The following TMEM131 variants were observed in gnomAD, a reference collection of about 807,000 sequenced individuals.
TMEM131 encodes 2610524E03Rik.
Under a neutral mutation model 211.6 loss-of-function variants are expected in TMEM131, and 66 were observed. That is an observed-to-expected ratio of 0.31 (90% CI 0.26 to 0.38). The LOEUF (loss-of-function observed/expected upper bound fraction) is 0.38, where lower values mean the gene tolerates loss of function less well. Ranked by LOEUF, TMEM131 falls within the 10% of genes least tolerant of loss-of-function variation. The pLI is 1.00. For missense variants in TMEM131, 2,036 were observed against 2,299.3 expected (o/e 0.89, Z 2.34); for synonymous variants, 844 against 841.3 (o/e 1.00, Z -0.06).
At chr2:97,992,445 G>A (rs544397213) in intron 1 of TMEM131, among the ~76,000 whole-genome samples, 114 of 152,196 alleles carry the variant, frequency 7.5e-4, no homozygotes, top group Middle Eastern at 6.8e-3. Flanking sequence ...GCTGTCAAAC[G>A]TTACCCTGCC....
intron 1 of TMEM131, among the ~76,000 whole-genome samples, chr2:97,948,082 T>C (rs1445583149): frequency 6.6e-6 from 1 of 152,124 alleles, no homozygotes; most frequent in East Asian, 1.9e-4. Flanking sequence ...CTAAAGTTCC[T>C]AGAAATCAAC....
chr2:97,930,375 T>C (rs1187526306), intron 1 of TMEM131, among the ~76,000 whole-genome samples: 2 of 151,810 alleles, frequency 1.3e-5, no homozygotes, highest in Non-Finnish European at 2.9e-5. Flanking sequence ...TTGGGTATAC[T>C]GCTTTTTAAA....
intron 2 of TMEM131, among the ~76,000 whole-genome samples, chr2:97,913,650 C>T (rs1226427283): frequency 6.6e-6 from 1 of 152,132 alleles, no homozygotes; most frequent in Non-Finnish European, 1.5e-5. Context: ...TTTTATACTG[C>T]ATTATTGTTA....
At chr2:97,838,214 T>C (rs1269749566) in intron 7 of TMEM131, among the ~76,000 whole-genome samples, 1 of 152,100 alleles carries the variant, frequency 6.6e-6, no homozygotes, top group Non-Finnish European at 1.5e-5. Flanking sequence ...TTTGGGTAAA[T>C]ATATATACAC....
In TMEM131 at chr2:97,983,084, A is replaced by G. The variant is rs552691144; in HGVS notation, c.187+12392T>C. 2.6e-5 allele frequency among the ~76,000 whole-genome samples: 4 copies of G among 152,312 alleles called. No individual in the cohort carries two copies. The East Asian group carries it at 7.7e-4, about 29-fold the overall frequency. On this transcript the variant is annotated intron_variant, in intron 1 of 40. Coordinates refer to ENST00000186436, the MANE Select transcript of TMEM131 (RefSeq NM_015348.2). ...AAATACAAAAGGGCTGTAGAAGCTC[A>G]GGGGTTGCCTTTGCTCACTAGAAGC...
intron 35 of TMEM131, among the ~76,000 whole-genome samples, chr2:97,765,747 A>T (rs1679131121): frequency 6.6e-6 from 1 of 152,242 alleles, no homozygotes; most frequent in African/African-American, 2.4e-5. Flanking sequence ...TGAGGAACTC[A>T]TCAGGTAAAG....
intron 18 of TMEM131, 93 bp downstream of exon 18, chr2:97,811,035 T>C (rs1681525552): frequency 1.1e-6 from 1 of 904,220 alleles, no homozygotes; most frequent in African/African-American, 1.7e-5. Flanking sequence ...ACTGTAACTC[T>C]GAGTAAACTT....
At position 97,783,043 on chromosome 2, in the gene TMEM131, T is replaced by C. The variant is rs185671316; in HGVS notation, c.4145-7025A>G. ...ACATCAAGATGCATTATAATCAAAC[T>C]TGTGAAAACTAAAGACAAAAAAACC... On this transcript the variant is annotated intron_variant, in intron 31 of 40. Transcript: ENST00000186436. Among the ~76,000 whole-genome samples the C allele has an allele frequency of 2.9e-3, 438 of 149,442 alleles. 1 individual carries two copies. The highest frequency in any genetic ancestry group is 0.01 in the African/African-American group (416 of 41,042).
chr2:97,836,518 AC>A (rs2105075580), intron 8 of TMEM131, among the ~76,000 whole-genome samples: 1 of 152,342 alleles, frequency 6.6e-6, no homozygotes, highest in South Asian at 2.1e-4. Flanking sequence ...AGGTTCTCTT[AC>A]ATATTCTTTA....
intron 2 of TMEM131, among the ~76,000 whole-genome samples, chr2:97,926,182 T>C (rs1045440905): frequency 3.3e-5 from 5 of 151,224 alleles, no homozygotes; most frequent in African/African-American, 1.2e-4. Flanking sequence ...TAAGAAGGAA[T>C]GTTCTTGGGC....
chr2:97,883,243 A>G (rs866046046), intron 4 of TMEM131, among the ~76,000 whole-genome samples: 2 of 152,258 alleles, frequency 1.3e-5, no homozygotes, highest in Non-Finnish European at 2.9e-5. Flanking sequence ...CATTCAGACT[A>G]TAGCGAAGTT....
In TMEM131 at chr2:97,950,010, C is replaced by CT. The variant is rs571377151; in HGVS notation, c.188-22524dup. On this transcript the variant is annotated intron_variant, in intron 1 of 40. Transcript: ENST00000186436. ...TTCTTGTACCTGCAAACCCAAAGGCCTATCATTACTAAATCCTCCTTCTGA... is the reference window on the plus strand; with the variant it reads ...TTCTTGTACCTGCAAACCCAAAGGCCTTATCATTACTAAATCCTCCTTCTGA... Among the ~76,000 whole-genome samples, 568 of 152,154 alleles carry CT rather than the reference C, an allele frequency of 3.7e-3. 3 individuals are homozygous for CT. Among genetic ancestry groups the CT allele is most frequent in the African/African-American group, 0.013 (542 of 41,472 alleles).
Position 97,802,409 on chromosome 2 carries a change from G to A in TMEM131, c.2651+19C>T. On this transcript the variant is annotated intron_variant, in intron 24 of 40. Transcript: ENST00000186436. ...CAATACTACATAGAAACACTGTGAT[G>A]ATCCCAAGCAATACTTACCTTGATA... 6.5e-7 allele frequency: 1 copy of A among 1,528,908 alleles called. No individual in the cohort carries two copies. Among genetic ancestry groups the A allele is most frequent in the Non-Finnish European group, 8.9e-7 (1 of 1,119,212 alleles). The allele number at this position is 1,528,908 out of a possible 1,614,324, so 94.7% of individuals were successfully genotyped here. A position where few individuals can be genotyped will look rare whatever the true frequency, so the allele number is the denominator to read the frequency against.
chr2:97,899,161 C>T (rs895682800), intron 3 of TMEM131, among the ~76,000 whole-genome samples: 1 of 152,064 alleles, frequency 6.6e-6, no homozygotes, highest in East Asian at 1.9e-4. Context: ...CCTTCTTTAT[C>T]TCTGATAATA....
intron 31 of TMEM131, among the ~76,000 whole-genome samples, chr2:97,789,403 C>T (rs1680396392): frequency 6.6e-6 from 1 of 152,232 alleles, no homozygotes. Flanking sequence ...CTACAGATGG[C>T]ATGTGCCACT....
chr2:97,840,928 C>A (rs1046630134), intron 7 of TMEM131, among the ~76,000 whole-genome samples: 3 of 152,224 alleles, frequency 2.0e-5, no homozygotes, highest in Non-Finnish European at 4.4e-5. Flanking sequence ...GGTTCATCCT[C>A]ATTTCCTCTT....
intron 3 of TMEM131, among the ~76,000 whole-genome samples, chr2:97,904,698 C>T (rs1011447741): frequency 9.2e-5 from 14 of 151,394 alleles, no homozygotes; most frequent in Admixed American, 6.6e-5. Flanking sequence ...TTCCCATCTG[C>T]TTTTTATTCC....
intron 25 of TMEM131, among the ~76,000 whole-genome samples, chr2:97,798,748 C>T (rs953935758): frequency 1.2e-4 from 19 of 152,224 alleles, no homozygotes; most frequent in African/African-American, 3.6e-4. Flanking sequence ...TCAGCACAGT[C>T]GAAGCCTGTG....
chr2:97,840,190 T>C lies in TMEM131; in HGVS notation c.723+1625A>G, dbSNP rs185015442. ...AAATCTTGAATTAAAATGTTTTAAC[T>C]GGAAAAAGACTAGATGAATTGAATT... On this transcript the variant is annotated intron_variant, in intron 7 of 40. Coordinates refer to ENST00000186436, the MANE Select transcript of TMEM131 (RefSeq NM_015348.2). Among the ~76,000 whole-genome samples, 6 of 152,324 alleles carry C rather than the reference T, an allele frequency of 3.9e-5. 1 individual carries two copies. Among genetic ancestry groups the C allele is most frequent in the African/African-American group, 1.4e-4 (6 of 41,570 alleles).
Sources: gnomAD v4.1 joint callset for allele counts (sites outside exome capture counted in the v4.1 genomes callset) on GRCh38, gnomAD v4.1.1 for gene constraint, MANE v1.5 for transcripts, NCBI Gene and HGNC (gene_info 2026-07-23, HGNC 2026-07-21) for gene names.